The following ATRN variants were observed in gnomAD, a reference collection of about 807,000 sequenced individuals.
ATRN encodes the protein attractin-2.
Under a neutral mutation model 178.7 loss-of-function variants are expected in ATRN, and 54 were observed. The ratio of observed to expected loss-of-function variants is 0.30; its 90% CI spans 0.24 to 0.38. The LOEUF (loss-of-function observed/expected upper bound fraction) is 0.38, where lower values mean the gene tolerates loss of function less well. ATRN is among the 10% of genes least tolerant of loss of function. The pLI, the probability that ATRN is intolerant of heterozygous loss-of-function variation, is 1.00. For synonymous variants in ATRN, 636 were observed against 663.0 expected, an observed-to-expected ratio of 0.96 and a Z score of 0.63; for missense variants, 1,443 against 1,815.1, an observed-to-expected ratio of 0.79 and a Z score of 3.73.
At position 3,645,379 on chromosome 20, in the gene ATRN, C is replaced by T. The variant is rs1225625274; in HGVS notation, c.4165+1111C>T. Among the ~76,000 whole-genome samples, 1 of 152,254 alleles carries T rather than the reference C, an allele frequency of 6.6e-6. No individual in the cohort carries two copies. Among genetic ancestry groups the T allele is most frequent in the Non-Finnish European group, 1.5e-5 (1 of 68,044 alleles). On this transcript the variant is annotated intron_variant, in intron 28 of 28. Coordinates refer to ENST00000262919, the MANE Select transcript of ATRN (RefSeq NM_139321.3). This position sits in a 1 kb window ranked among gnomAD's most constrained non-coding sequence, Gnocchi z 4.7. The stretch of plus-strand genomic sequence containing the variant: ...TTGTCTTCATCTCACCTAGGGATTC[C>T]TGTGAGTTGAGCCCCTAACTCGGCC...
rs1477640481 is a variant in ATRN, at chr20:3,576,790, T to C, written c.2215-69T>C. On this transcript the variant is annotated intron_variant, in intron 13 of 28. Transcript: ENST00000262919. ...CAATTAGATTTTGTTGTCTATAATA[T>C]CCTGTTGGTCCTCACCATAAGTTCT... The C allele has an allele frequency of 8.4e-6, 13 of 1,549,618 alleles. No homozygotes were observed. The Admixed American group carries it at 2.0e-4, about 24-fold the overall frequency.
intron 1 of ATRN, among the ~76,000 whole-genome samples, chr20:3,531,075 C>T (rs1369542760): frequency 6.6e-6 from 1 of 152,132 alleles, no homozygotes; most frequent in East Asian, 1.9e-4. Flanking sequence ...TTGCCCATGC[C>T]CACACCTAGA....
At chr20:3,629,294 G>A (rs184756195) in intron 25 of ATRN, 1 of 985,300 alleles carries the variant, frequency 1.0e-6, no homozygotes. Flanking sequence ...AGCGTCCTGG[G>A]TGAACTGGCG....
At chr20:3,527,518 A>ATTC (rs2085384083) in intron 1 of ATRN, among the ~76,000 whole-genome samples, 2 of 151,624 alleles carry the variant, frequency 1.3e-5, no homozygotes, top group African/African-American at 2.4e-5. Flanking sequence ...CAGTGGGGTG[A>ATTC]CTCAAGGTTC....
Position 3,549,056 on chromosome 20 carries a change from T to C in ATRN, c.944-114T>C, listed in dbSNP as rs998512930. ...TTAAAGGATTTGTCTGATATTTAAA[T>C]GCTAAAGGAAAGACTATTATTTAAA... On this transcript the variant is annotated intron_variant, in intron 5 of 28. Transcript: ENST00000262919. The C allele has an allele frequency of 1.6e-5, 14 of 888,014 alleles. No individual in the cohort carries two copies. In the African/African-American group the frequency reaches 2.3e-4, roughly 15 times the overall value. The allele number at this position is 888,014 out of a possible 1,614,324, so 55.0% of individuals were successfully genotyped here. A position where few individuals can be genotyped will look rare whatever the true frequency, so the allele number is the denominator to read the frequency against.
chr20:3,585,155 G>T (rs2086340417), intron 18 of ATRN, among the ~76,000 whole-genome samples: 1 of 152,174 alleles, frequency 6.6e-6, no homozygotes, highest in Non-Finnish European at 1.5e-5. Context: ...TGGGTTTCTA[G>T]AACAGTTGGG....
intron 25 of ATRN, among the ~76,000 whole-genome samples, chr20:3,628,468 A>G (rs932265668): frequency 3.9e-5 from 6 of 152,210 alleles, no homozygotes; most frequent in African/African-American, 7.2e-5. Flanking sequence ...TAAACAATTT[A>G]TAAGTCTTAA....
At chr20:3,474,910 T>G (rs944501275) in intron 1 of ATRN, among the ~76,000 whole-genome samples, 1 of 151,094 alleles carries the variant, frequency 6.6e-6, no homozygotes, top group African/African-American at 2.4e-5. Context: ...CAGGCGCCTG[T>G]GATCCCAGCT....
At chr20:3,591,964 A>G (rs2086451564) in intron 19 of ATRN, among the ~76,000 whole-genome samples, 1 of 152,188 alleles carries the variant, frequency 6.6e-6, no homozygotes, top group South Asian at 2.1e-4. Flanking sequence ...TCAGAGCCCC[A>G]CACTTAGGCC....
At chr20:3,594,358 A>T in intron 19 of ATRN, 121 bp from the exon 20 acceptor site, 1 of 640,558 alleles carries the variant, frequency 1.6e-6, no homozygotes, top group Non-Finnish European at 2.6e-6. Flanking sequence ...GAATGCTCGT[A>T]CTTTAATCTG....
intron 6 of ATRN, among the ~76,000 whole-genome samples, chr20:3,550,103 G>A (rs934361946): frequency 4.6e-5 from 7 of 152,184 alleles, no homozygotes; most frequent in African/African-American, 7.2e-5. Context: ...TGAGGCTGGC[G>A]GATCACTTGA....
chr20:3,571,463 C>G (rs2086121490), intron 11 of ATRN, among the ~76,000 whole-genome samples: 2 of 152,028 alleles, frequency 1.3e-5, no homozygotes, highest in African/African-American at 2.4e-5. Context: ...TTGCCAAATC[C>G]CTCTGTAGGC....
At chr20:3,474,928 A>G (rs111488652) in intron 1 of ATRN, among the ~76,000 whole-genome samples, 20,067 of 148,728 alleles carry the variant, frequency 0.13, 2,379 homozygotes, top group African/African-American at 0.32. Flanking sequence ...GCTACTCGGG[A>G]GGCTGAGGCA....
chr20:3,493,696 A>G (rs542190450), intron 1 of ATRN, among the ~76,000 whole-genome samples: 21 of 152,280 alleles, frequency 1.4e-4, no homozygotes, highest in African/African-American at 5.1e-4. Context: ...CACGGCACCT[A>G]TTCATCTGAG....
chr20:3,533,860 G>C (rs1173650032), intron 1 of ATRN, among the ~76,000 whole-genome samples: 7 of 152,068 alleles, frequency 4.6e-5, no homozygotes, highest in Admixed American at 2.6e-4. Context: ...GTGTTGCTGT[G>C]TTGGCCAGCC....
Position 3,638,178 on chromosome 20 carries a change from C to T in ATRN, c.3943-650C>T, listed in dbSNP as rs868432078. The stretch of plus-strand genomic sequence containing the variant: ...ATGTACAGAACATGTAGATTTGTTA[C>T]ATAGGTATACATGTGCCGTGGTGGT... On this transcript the variant is annotated intron_variant, in intron 26 of 28. Coordinates refer to ENST00000262919, the MANE Select transcript of ATRN (RefSeq NM_139321.3). This position sits in a 1 kb window ranked among gnomAD's most constrained non-coding sequence, Gnocchi z 4.5. 7.3e-4 allele frequency among the ~76,000 whole-genome samples: 111 copies of T among 152,274 alleles called. No homozygotes were observed. The highest frequency in any genetic ancestry group is 2.6e-3 in the African/African-American group (108 of 41,542).
chr20:3,541,420 A>G (rs947622876), intron 3 of ATRN, among the ~76,000 whole-genome samples: 1 of 151,038 alleles, frequency 6.6e-6, no homozygotes, highest in Non-Finnish European at 1.5e-5. Context: ...AGCAGCAGGA[A>G]TAGGTTTTGA....
rs1259076606 is a variant in ATRN at position 3,648,364 on chromosome 20, T to C, written c.*1517T>C. On this transcript the variant is annotated 3_prime_UTR_variant, in exon 29 of 29. Coordinates refer to ENST00000262919, the MANE Select transcript of ATRN (RefSeq NM_139321.3). ...CTCCCAGAGGGCACTGCTTGGAAAT[T>C]GTGTTTTCCCCATTTATGGTGCTCT... 6.6e-6 allele frequency: 1 copy of C among 152,578 alleles called. No homozygotes were observed. Among genetic ancestry groups the C allele is most frequent in the Non-Finnish European group, 1.5e-5 (1 of 68,040 alleles). The allele number at this position is 152,578 out of a possible 1,614,324, so 9.5% of individuals were successfully genotyped here.
At chr20:3,615,192 GC>G (rs1233273361) in intron 24 of ATRN, among the ~76,000 whole-genome samples, 1 of 152,074 alleles carries the variant, frequency 6.6e-6, no homozygotes, top group African/African-American at 2.4e-5. Flanking sequence ...ACTTAGGGAG[GC>G]CGAGGCGGGC....
Sources: allele counts gnomAD v4.1 joint callset (sites outside exome capture counted in the v4.1 genomes callset), GRCh38; gene constraint gnomAD v4.1.1; non-coding constraint Gnocchi (gnomAD v3.1); transcripts MANE v1.5; gene names NCBI Gene and HGNC (gene_info 2026-07-23, HGNC 2026-07-21).